Variants in CENATAC observed in about 807,000 individuals in gnomAD.
CENATAC encodes coiled-coil domain containing 84.
A neutral mutation model predicts 53.7 loss-of-function variants in CENATAC; 53 were observed. The observed-to-expected ratio is 0.99, with a 90% CI of 0.79 to 1.24. The LOEUF (loss-of-function observed/expected upper bound fraction) is 1.24, where lower values mean the gene tolerates loss of function less well. Among genes scored for constraint, CENATAC ranks in the 50% most tolerant of loss-of-function variants. The pLI is 0.00. For missense variants in CENATAC, 474 were observed against 417.8 expected (o/e 1.13, Z -1.17); for synonymous variants, 156 against 144.6 (o/e 1.08, Z -0.57).
intron 3 of CENATAC, chr11:119,004,349 G>A (rs1271288184): frequency 6.6e-6 from 1 of 152,234 alleles, no homozygotes; most frequent in African/African-American, 2.4e-5. Context: ...CTGGGTTCAA[G>A]TGATTCTTCT....
At chr11:119,012,338 G>T in intron 7 of CENATAC, 84 bp downstream of exon 7, 1 of 1,441,842 alleles carries the variant, frequency 6.9e-7, no homozygotes, top group Non-Finnish European at 9.5e-7. Context: ...ACCTATTCAA[G>T]CCACTGCTGC....
intron 3 of CENATAC, among the ~76,000 whole-genome samples, chr11:119,006,472 G>A (rs969240768): frequency 9.9e-5 from 15 of 152,214 alleles, no homozygotes; most frequent in Non-Finnish European, 1.6e-4. Flanking sequence ...TCCTGACCTC[G>A]TGATCCGCCT....
chr11:118,999,547 C>T (rs1592044651), intron 3 of CENATAC, among the ~76,000 whole-genome samples: 1 of 152,362 alleles, frequency 6.6e-6, no homozygotes, highest in East Asian at 1.9e-4. Context: ...CAATTTCAGC[C>T]TCCTGGATTC....
chr11:119,009,267 C>T (rs1489733390), intron 3 of CENATAC, among the ~76,000 whole-genome samples: 2 of 152,164 alleles, frequency 1.3e-5, no homozygotes, highest in Non-Finnish European at 2.9e-5. Context: ...GCTGGGATTA[C>T]AGGCACCTGC....
chr11:118,999,843 C>T (rs973479416), intron 3 of CENATAC, among the ~76,000 whole-genome samples: 8 of 152,128 alleles, frequency 5.3e-5, no homozygotes, highest in South Asian at 2.1e-4. Flanking sequence ...GGGGTTTCAC[C>T]GTGTTAGCCA....
chr11:119,003,623 T>TC, intron 3 of CENATAC: 1 of 163,614 alleles, frequency 6.1e-6, no homozygotes, highest in African/African-American at 3.1e-5. Context: ...TTCTCTCTCT[T>TC]TTTTTTTTTT....
intron 3 of CENATAC, among the ~76,000 whole-genome samples, chr11:119,002,258 C>A (rs1942343140): frequency 6.9e-6 from 1 of 145,348 alleles, no homozygotes; most frequent in East Asian, 2.0e-4. Flanking sequence ...AGAAACTGAT[C>A]ACATATCAGT....
At chr11:119,005,066 A>G (rs1043596179) in intron 3 of CENATAC, among the ~76,000 whole-genome samples, 2 of 137,416 alleles carry the variant, frequency 1.5e-5, no homozygotes, top group African/African-American at 6.0e-5. Context: ...TGTCTCAAAA[A>G]CAGCAAGAAA....
chr11:119,002,795 T>G (rs1016904891), intron 3 of CENATAC, among the ~76,000 whole-genome samples: 2 of 151,434 alleles, frequency 1.3e-5, no homozygotes, highest in Non-Finnish European at 2.9e-5. Flanking sequence ...ATATTTCAGG[T>G]TTTTTTTCAA....
intron 7 of CENATAC, 24 bp downstream of exon 7, chr11:119,012,278 A>C (rs782764898): frequency 3.9e-5 from 63 of 1,612,648 alleles, no homozygotes; most frequent in Non-Finnish European, 5.3e-5. Context: ...GCAAGCCAGA[A>C]GAGGGCCAAT....
chr11:119,015,157 G>A, intron 9 of CENATAC, 74 bp downstream of exon 9: 3 of 1,462,358 alleles, frequency 2.1e-6, no homozygotes, highest in South Asian at 1.2e-5. Flanking sequence ...TGTGTGTGGT[G>A]GCTCATGGCT....
chr11:119,007,773 C>T (rs542900243), intron 3 of CENATAC, among the ~76,000 whole-genome samples: 1 of 152,274 alleles, frequency 6.6e-6, no homozygotes, highest in African/African-American at 2.4e-5. Context: ...AGGCATGAGC[C>T]ACTGTGCCCA....
At chr11:119,000,721 C>T (rs1306798954) in intron 3 of CENATAC, among the ~76,000 whole-genome samples, 2 of 151,936 alleles carry the variant, frequency 1.3e-5, no homozygotes. Flanking sequence ...CGCACCACTT[C>T]ACTCCAGCCT....
chr11:118,999,109 G>A lies in CENATAC; in HGVS notation c.383G>A (p.Arg128Gln). Residue 128 changes from arginine (R) to glutamine (Q), a missense_variant and splice_region_variant, in exon 3 of 11, where the codon CGA becomes CAA. Physicochemically the swap from Arg to Gln is conservative, Grantham distance 43 (BLOSUM62 1). Transcript: ENST00000334418. ...CTGGTCACTCCCCAGGATTATGCGC[G>A]GTGAGTCACTGGTATGGAACGTGAA... The part of the protein sequence containing the change: ...KFLVTPQDYA[R>Q]FKKSMVKGLD... 1.9e-6 allele frequency: 3 copies of A among 1,607,894 alleles called. No homozygotes were observed. Among genetic ancestry groups the A allele is most frequent in the African/African-American group, 1.3e-5 (1 of 74,910 alleles).
At chr11:119,015,215 C>T in intron 9 of CENATAC, 92 bp from the exon 10 acceptor site, 1 of 1,479,566 alleles carries the variant, frequency 6.8e-7, no homozygotes, top group Non-Finnish European at 9.2e-7. Context: ...CACTTGAGCC[C>T]AGAAGTTTGA....
chr11:119,007,024 C>A (rs1202121647), intron 3 of CENATAC, among the ~76,000 whole-genome samples: 1 of 152,122 alleles, frequency 6.6e-6, no homozygotes, highest in African/African-American at 2.4e-5. Flanking sequence ...ATTACCCAGT[C>A]TTGGGTATGT....
chr11:119,014,786 G>A, intron 8 of CENATAC: 1 of 414,410 alleles, frequency 2.4e-6, no homozygotes, highest in Non-Finnish European at 4.3e-6. Context: ...TATGTCAGTT[G>A]TGCCTCAAAG....
chr11:119,011,670 C>G (rs1942879350), intron 5 of CENATAC, among the ~76,000 whole-genome samples: 2 of 152,134 alleles, frequency 1.3e-5, no homozygotes, highest in Admixed American at 1.3e-4. Flanking sequence ...TGTGCCCGGC[C>G]ATGAACCAGT....
At chr11:119,011,839 T>C in intron 5 of CENATAC, 100 bp from the exon 6 acceptor site, 1 of 994,136 alleles carries the variant, frequency 1.0e-6, no homozygotes, top group Non-Finnish European at 1.6e-6. Context: ...TATGCTAATT[T>C]GTTTCCTTCC....
Sources: allele counts gnomAD v4.1 joint callset (sites outside exome capture counted in the v4.1 genomes callset), GRCh38; gene constraint gnomAD v4.1.1; transcripts MANE v1.5; gene names NCBI Gene and HGNC (gene_info 2026-07-23, HGNC 2026-07-21).